Variants in TPTE observed in about 807,000 individuals in gnomAD.
TPTE encodes the protein transmembrane phosphatase with tensin homology.
TPTE carries 59 observed loss-of-function variants against 84.1 expected under a neutral mutation model. The ratio of observed to expected loss-of-function variants is 0.70; its 90% CI spans 0.57 to 0.87. The LOEUF is 0.87. Among genes scored for constraint, TPTE ranks in the 40% least tolerant of loss-of-function variants. The pLI is 0.00. For missense variants in TPTE, 382 were observed against 659.6 expected, an observed-to-expected ratio of 0.58 and a Z score of 4.61; for synonymous variants, 130 against 223.5, an observed-to-expected ratio of 0.58 and a Z score of 3.73.
intron 19 of TPTE, among the ~76,000 whole-genome samples, chr21:10,593,859 G>A (rs536377203): frequency 3.5e-4 from 53 of 152,340 alleles, no homozygotes; most frequent in African/African-American, 1.2e-3. Context: ...TGGGAGCTGA[G>A]TAGAAGAACT....
Position 10,605,447 on chromosome 21 carries a change from T to A in TPTE, c.1551T>A (p.Asn517Lys). The A allele has an allele frequency of 1.9e-6, 3 of 1,614,196 alleles. No homozygotes were observed. The highest frequency in any genetic ancestry group is 2.5e-6 in the Non-Finnish European group (3 of 1,179,996). ...RLYLPKNELD[N>K]LHKQKARRIY... ...ATCTACCAAAAAATGAATTGGATAA[T>A]CTACATAAACAAAAAGCACGGAGAA... Residue 517 changes from asparagine (N) to lysine (K), a missense_variant, in exon 24 of 24, where the codon AAT (asparagine) becomes AAA (lysine). This residue lies in a region of TPTE where 120 missense variants were observed against 79.1 expected (regional missense o/e 1.52). Coordinates refer to ENST00000618007, the MANE Select transcript of TPTE (RefSeq NM_199261.4).
intron 7 of TPTE, among the ~76,000 whole-genome samples, chr21:10,546,542 T>A (rs922953691): frequency 6.6e-6 from 1 of 152,300 alleles, no homozygotes; most frequent in Non-Finnish European, 1.5e-5. Context: ...AGCCAAGTTG[T>A]GAATGTAAAA....
chr21:10,596,076 A>G lies in TPTE; in HGVS notation c.1265A>G (p.Tyr422Cys). 1 of 1,614,058 alleles carries G rather than the reference A, an allele frequency of 6.2e-7. No individual in the cohort carries two copies. The highest frequency in any genetic ancestry group is 8.5e-7 in the Non-Finnish European group (1 of 1,179,872). Residue 422 changes from tyrosine to cysteine, a missense_variant, in exon 20 of 24, where the codon TAT (tyrosine) becomes TGT (cysteine). Transcript: ENST00000618007. The stretch of plus-strand genomic sequence containing the variant: ...CTCTTTATAAAACACTTCATTATTT[A>G]TTCGATTCCTCGTAAGTGCTTTATG... Reference protein sequence around the residue: ...RILFIKHFIIYSIPRYVRDLK... With the variant: ...RILFIKHFIICSIPRYVRDLK...
At chr21:10,526,278 T>C (rs2074077343) in intron 2 of TPTE, among the ~76,000 whole-genome samples, 1 of 152,308 alleles carries the variant, frequency 6.6e-6, no homozygotes. Context: ...GATGCGATAA[T>C]TTGAACTCTG....
chr21:10,539,484 G>T (rs1402083795), intron 4 of TPTE, among the ~76,000 whole-genome samples: 2,647 of 151,046 alleles, frequency 0.018, no homozygotes, highest in African/African-American at 0.063. Flanking sequence ...TTAGGAGGAG[G>T]AATGCCTACC....
intron 3 of TPTE, among the ~76,000 whole-genome samples, chr21:10,535,253 T>G (rs1415478013): frequency 3.9e-5 from 6 of 152,304 alleles, no homozygotes; most frequent in Non-Finnish European, 8.8e-5. Context: ...TAACCTATGA[T>G]AGAGCCACCC....
chr21:10,539,038 A>G (rs549358709), intron 4 of TPTE, among the ~76,000 whole-genome samples: 4 of 152,424 alleles, frequency 2.6e-5, no homozygotes, highest in African/African-American at 7.2e-5. Flanking sequence ...TTCCTTTTCT[A>G]ACGGAGTGAT....
At chr21:10,565,776 A>C (rs1260539598) in intron 10 of TPTE, among the ~76,000 whole-genome samples, 3 of 152,312 alleles carry the variant, frequency 2.0e-5, no homozygotes, top group African/African-American at 4.8e-5. Context: ...CTCTTCAACA[A>C]ATGGTTCTGG....
intron 7 of TPTE, among the ~76,000 whole-genome samples, chr21:10,547,697 C>T (rs1703275141): frequency 6.6e-6 from 1 of 152,310 alleles, no homozygotes; most frequent in Admixed American, 6.5e-5. Flanking sequence ...GCCTCTCCAG[C>T]ACTGGAGCTT....
chr21:10,558,757 T>TAACACA (rs2074733561), intron 8 of TPTE, among the ~76,000 whole-genome samples: 2 of 148,708 alleles, frequency 1.3e-5, no homozygotes, highest in Admixed American at 6.6e-5. Context: ...CCTCCTGTGT[T>TAACACA]GGAGGCTTCT....
chr21:10,546,343 AT>A (rs2074467247), intron 7 of TPTE, among the ~76,000 whole-genome samples: 1 of 152,308 alleles, frequency 6.6e-6, no homozygotes, highest in Non-Finnish European at 1.5e-5. Context: ...CTGACTAGCC[AT>A]TCCCCCATCT....
chr21:10,591,109 A>G (rs1183640106), intron 18 of TPTE, among the ~76,000 whole-genome samples: 1 of 152,304 alleles, frequency 6.6e-6, no homozygotes, highest in African/African-American at 2.4e-5. Context: ...ACATTTCACA[A>G]CTCAAAACAA....
chr21:10,547,257 G>A (rs1275423874), intron 7 of TPTE, among the ~76,000 whole-genome samples: 5 of 152,308 alleles, frequency 3.3e-5, no homozygotes, highest in African/African-American at 4.8e-5. Flanking sequence ...ACACATCTGA[G>A]ATTTGATTAG....
At chr21:10,568,402 CAA>C (rs1473013115) in intron 11 of TPTE, among the ~76,000 whole-genome samples, 1 of 152,308 alleles carries the variant, frequency 6.6e-6, no homozygotes, top group African/African-American at 2.4e-5. Flanking sequence ...GTGGTAGAAA[CAA>C]AGAAAGCAGG....
chr21:10,526,266 G>C (rs1235285798), intron 2 of TPTE, among the ~76,000 whole-genome samples: 1 of 152,306 alleles, frequency 6.6e-6, no homozygotes, highest in Non-Finnish European at 1.5e-5. Context: ...CCAGGCTAAC[G>C]AGATGCGATA....
intron 8 of TPTE, among the ~76,000 whole-genome samples, chr21:10,553,378 A>G (rs998115723): frequency 3.9e-5 from 6 of 152,302 alleles, no homozygotes; most frequent in Non-Finnish European, 1.5e-5. Flanking sequence ...AAGTACTGCC[A>G]TAGAGGAAGT....
intron 3 of TPTE, among the ~76,000 whole-genome samples, chr21:10,528,394 G>C (rs1483162908): frequency 1.3e-5 from 2 of 152,306 alleles, no homozygotes; most frequent in Non-Finnish European, 2.9e-5. Flanking sequence ...TGGGAAAATA[G>C]TTTTCTGGAC....
Position 10,590,534 on chromosome 21 carries a change from T to C in TPTE, c.1089+11T>C. On this transcript the variant is annotated intron_variant, in intron 18 of 23. Coordinates refer to ENST00000618007, the MANE Select transcript of TPTE (RefSeq NM_199261.4). ...TGTTCAACTGCAAAGGTATGAAAGATGTTCTACAAACTTTGTCTTAGGATG... is the reference window on the plus strand; with the variant it reads ...TGTTCAACTGCAAAGGTATGAAAGACGTTCTACAAACTTTGTCTTAGGATG... 1 of 1,613,974 alleles carries C rather than the reference T, an allele frequency of 6.2e-7. No individual in the cohort carries two copies. The highest frequency in any genetic ancestry group is 8.5e-7 in the Non-Finnish European group (1 of 1,179,832).
intron 13 of TPTE, 52 bp downstream of exon 13, chr21:10,569,798 A>C: frequency 6.2e-7 from 1 of 1,601,792 alleles, no homozygotes; most frequent in Non-Finnish European, 8.5e-7. Context: ...TTTTTCTTGT[A>C]ATTGTATTTT....
Sources: gnomAD v4.1 joint callset for allele counts (sites outside exome capture counted in the v4.1 genomes callset) on GRCh38, gnomAD v4.1.1 for gene constraint, gnomAD v4.1.1 regional missense constraint, MANE v1.5 for transcripts, NCBI Gene and HGNC (gene_info 2026-07-23, HGNC 2026-07-21) for gene names.